ADAM32: variants seen among roughly 807,000 people sequenced by gnomAD.
The protein encoded by ADAM32 is ADAM metallopeptidase domain 32.
Under a neutral mutation model 114.9 loss-of-function variants are expected in ADAM32, and 89 were observed. The ratio of observed to expected loss-of-function variants is 0.77; its 90% CI spans 0.65 to 0.92. The LOEUF (loss-of-function observed/expected upper bound fraction) is 0.92. Ranked by LOEUF, ADAM32 falls within the 40% of genes least tolerant of loss-of-function variation. The pLI is 0.00. For missense variants in ADAM32, 870 were observed against 932.8 expected (o/e 0.93, Z 0.88); for synonymous variants, 285 against 307.5 (o/e 0.93, Z 0.77).
intron 11 of ADAM32, 21 bp downstream of exon 11, chr8:39,187,066 T>G (rs372800816): frequency 1.9e-6 from 3 of 1,578,524 alleles, no homozygotes; most frequent in Non-Finnish European, 2.6e-6. Flanking sequence ...ACAATTTATT[T>G]ATTGCTTATG....
At chr8:39,252,426 G>A (rs1450678119) in intron 17 of ADAM32, among the ~76,000 whole-genome samples, 2 of 150,666 alleles carry the variant, frequency 1.3e-5, no homozygotes, top group African/African-American at 4.9e-5. Flanking sequence ...AAAAAAAAGG[G>A]ATGTGGCAAA....
intron 17 of ADAM32, among the ~76,000 whole-genome samples, chr8:39,249,882 G>A (rs892481451): frequency 1.1e-4 from 16 of 151,984 alleles, no homozygotes; most frequent in African/African-American, 3.9e-4. Flanking sequence ...AATTTCAAAG[G>A]ATTAAATATT....
intron 1 of ADAM32, among the ~76,000 whole-genome samples, chr8:39,113,511 C>T (rs186866927): frequency 6.3e-4 from 96 of 152,292 alleles, no homozygotes; most frequent in Non-Finnish European, 7.5e-4. Context: ...GCCTGCCACT[C>T]GTTGTGACTC....
chr8:39,133,847 G>A (rs757342134), intron 2 of ADAM32, among the ~76,000 whole-genome samples: 8 of 152,322 alleles, frequency 5.3e-5, no homozygotes, highest in Admixed American at 3.3e-4. Flanking sequence ...CAAGGACTGC[G>A]TTTGGGTGGG....
intron 11 of ADAM32, among the ~76,000 whole-genome samples, chr8:39,189,788 A>G (rs1238857482): frequency 1.3e-5 from 2 of 151,918 alleles, no homozygotes; most frequent in African/African-American, 2.4e-5. Context: ...TCTGGAAAGC[A>G]TTATTCTACT....
chr8:39,246,058 T>G, intron 16 of ADAM32, 25 bp from the exon 17 acceptor site: 1 of 1,598,276 alleles, frequency 6.3e-7, no homozygotes, highest in Non-Finnish European at 8.6e-7. Context: ...ACATGGGAAC[T>G]TTTTTTGTAT....
intron 10 of ADAM32, among the ~76,000 whole-genome samples, chr8:39,185,357 A>AAAC (rs1369729511): frequency 6.6e-6 from 1 of 151,638 alleles, no homozygotes; most frequent in African/African-American, 2.4e-5. Flanking sequence ...AAAAAACAAA[A>AAAC]AACAAACAAA....
chr8:39,120,457 T>C (rs969373234), intron 2 of ADAM32, among the ~76,000 whole-genome samples: 4 of 152,020 alleles, frequency 2.6e-5, no homozygotes, highest in Non-Finnish European at 4.4e-5. Flanking sequence ...CTGGTAGAAA[T>C]ATGAACATTA....
chr8:39,136,825 T>A (rs927684846), intron 3 of ADAM32, 107 bp downstream of exon 3: 17 of 787,796 alleles, frequency 2.2e-5, no homozygotes, highest in African/African-American at 7.3e-5. Context: ...TTAACTTTTT[T>A]AATTGTCTTA....
At chr8:39,228,396 G>A (rs1452814137) in intron 14 of ADAM32, among the ~76,000 whole-genome samples, 1 of 152,188 alleles carries the variant, frequency 6.6e-6, no homozygotes, top group Admixed American at 6.5e-5. Context: ...AGGCAATGGA[G>A]AAAGGAGAAG....
intron 2 of ADAM32, among the ~76,000 whole-genome samples, chr8:39,128,845 C>T (rs1414180131): frequency 1.3e-5 from 2 of 152,124 alleles, no homozygotes; most frequent in Non-Finnish European, 2.9e-5. Flanking sequence ...TATTGGCCTC[C>T]AATATCCCTT....
chr8:39,229,788 C>T (rs1809618124), intron 14 of ADAM32, among the ~76,000 whole-genome samples: 2 of 152,102 alleles, frequency 1.3e-5, no homozygotes, highest in African/African-American at 4.8e-5. Flanking sequence ...ACCAGACAGT[C>T]ATCGAGACAG....
At chr8:39,224,719 AT>A (rs762595114) in intron 14 of ADAM32, among the ~76,000 whole-genome samples, 5 of 151,858 alleles carry the variant, frequency 3.3e-5, no homozygotes, top group African/African-American at 4.8e-5. Flanking sequence ...CACTATGTTG[AT>A]TTTTTCCTTT....
intron 15 of ADAM32, 140 bp downstream of exon 15, chr8:39,232,275 C>G: frequency 1.7e-6 from 1 of 571,498 alleles, no homozygotes; most frequent in South Asian, 3.1e-5. Flanking sequence ...AAATCCCCAG[C>G]CCTGACACCT....
intron 2 of ADAM32, among the ~76,000 whole-genome samples, chr8:39,125,876 A>G (rs965559969): frequency 6.6e-6 from 1 of 152,162 alleles, no homozygotes; most frequent in African/African-American, 2.4e-5. Context: ...AATTTTTTGC[A>G]TATGGTTTGC....
At chr8:39,240,581 A>C (rs1157589933) in intron 16 of ADAM32, among the ~76,000 whole-genome samples, 1 of 152,250 alleles carries the variant, frequency 6.6e-6, no homozygotes, top group Non-Finnish European at 1.5e-5. Context: ...AAAGAGGTTT[A>C]ATGAACTTAA....
intron 1 of ADAM32, among the ~76,000 whole-genome samples, chr8:39,111,675 C>T (rs543209213): frequency 3.7e-5 from 5 of 134,108 alleles, no homozygotes; most frequent in South Asian, 2.3e-4. Flanking sequence ...GAGCCAATAT[C>T]GCACCTCTGC....
rs1341109526 is a variant in ADAM32 at position 39,151,429 on chromosome 8, G to T, written c.406G>T (p.Ala136Ser). The T allele has an allele frequency of 6.2e-7, 1 of 1,603,516 alleles. No homozygotes were observed. The highest frequency in any genetic ancestry group is 8.5e-7 in the Non-Finnish European group (1 of 1,176,652). Residue 136 changes from alanine (A) to serine (S), a missense_variant, in exon 6 of 25, where the codon GCA becomes TCA. Transcript: ENST00000379907. ...VSYGIEPLES[A>S]VEFQHVLYKL... Reference sequence around the variant, plus strand: ...TTATGGAATTGAGCCTCTGGAATCTGCAGTTGAATTTCAGCATGTTCTTTA... The same window carrying T: ...TTATGGAATTGAGCCTCTGGAATCTTCAGTTGAATTTCAGCATGTTCTTTA...
At chr8:39,113,825 T>C (rs932847849) in intron 1 of ADAM32, among the ~76,000 whole-genome samples, 9 of 152,194 alleles carry the variant, frequency 5.9e-5, no homozygotes, top group Non-Finnish European at 1.2e-4. Context: ...GACAGGACAG[T>C]TGACAGCTTG....
Sources: gnomAD v4.1 joint callset for allele counts (sites outside exome capture counted in the v4.1 genomes callset) on GRCh38, gnomAD v4.1.1 for gene constraint, MANE v1.5 for transcripts, NCBI Gene and HGNC (gene_info 2026-07-23, HGNC 2026-07-21) for gene names.